CSGALNACT1: variants seen among roughly 807,000 people sequenced by gnomAD.
The protein encoded by CSGALNACT1 is chondroitin sulfate N-acetylgalactosaminyltransferase 1, also known as beta4GalNAcT-1.
A neutral mutation model predicts 51.0 loss-of-function variants in CSGALNACT1; 52 were observed. The ratio of observed to expected loss-of-function variants is 1.02; its 90% CI spans 0.82 to 1.29. The LOEUF is 1.29. Among genes scored for constraint, CSGALNACT1 ranks in the 50% most tolerant of loss-of-function variants. The pLI is 0.00. For missense variants in CSGALNACT1, 935 were observed against 679.2 expected (o/e 1.38, Z -4.19); for synonymous variants, 341 against 254.4 (o/e 1.34, Z -3.24).
chr8:19,616,006 A>G (rs2052950972), intron 1 of CSGALNACT1, among the ~76,000 whole-genome samples: 1 of 152,210 alleles, frequency 6.6e-6, no homozygotes, highest in Non-Finnish European at 1.5e-5. Context: ...TCTTAAGAAG[A>G]CAATAGGAAA....
At chr8:19,505,889 C>A in exon 4 of CSGALNACT1, 1 of 1,597,792 alleles carries the variant, frequency 6.3e-7, no homozygotes, top group South Asian at 1.1e-5. Context: ...CCGGGGCCCC[C>A]ACGGAAGGGC....
intron 1 of CSGALNACT1, among the ~76,000 whole-genome samples, chr8:19,711,480 G>T (rs1040325686): frequency 2.0e-5 from 3 of 152,286 alleles, no homozygotes; most frequent in African/African-American, 7.2e-5. Flanking sequence ...TTTCAACAGC[G>T]TGGCGTCTAT....
chr8:19,466,047 T>C (rs1397133450), intron 4 of CSGALNACT1, among the ~76,000 whole-genome samples: 3 of 152,156 alleles, frequency 2.0e-5, no homozygotes, highest in Admixed American at 6.5e-5. Flanking sequence ...AACCTTACCA[T>C]AGAATTTTGA....
chr8:19,550,650 T>C (rs1048780133), intron 3 of CSGALNACT1, among the ~76,000 whole-genome samples: 1 of 152,138 alleles, frequency 6.6e-6, no homozygotes, highest in Non-Finnish European at 1.5e-5. Flanking sequence ...TACCCTGAAA[T>C]CTAAAACTGT....
chr8:19,469,540 A>T (rs1036616165), intron 4 of CSGALNACT1, among the ~76,000 whole-genome samples: 2 of 152,218 alleles, frequency 1.3e-5, no homozygotes, highest in African/African-American at 4.8e-5. Context: ...AAGGGGCAGC[A>T]GTGAGTTGAG....
intron 3 of CSGALNACT1, among the ~76,000 whole-genome samples, chr8:19,555,501 C>G (rs1448724454): frequency 6.6e-6 from 1 of 152,144 alleles, no homozygotes; most frequent in Non-Finnish European, 1.5e-5. Context: ...ATAGTACTTT[C>G]TGACCTATTT....
At chr8:19,690,126 C>CT (rs943168886) in intron 1 of CSGALNACT1, among the ~76,000 whole-genome samples, 71 of 152,272 alleles carry the variant, frequency 4.7e-4, no homozygotes, top group African/African-American at 1.5e-3. Flanking sequence ...CTGGATAAAA[C>CT]TTTTTTGGAA....
exon 8 of CSGALNACT1, chr8:19,418,716 C>A: frequency 6.2e-7 from 1 of 1,613,588 alleles, no homozygotes; most frequent in African/African-American, 1.3e-5. Context: ...CAGGATTGTA[C>A]TGACTGAAAA....
At chr8:19,626,423 T>C (rs907299498) in intron 1 of CSGALNACT1, among the ~76,000 whole-genome samples, 5 of 152,222 alleles carry the variant, frequency 3.3e-5, no homozygotes, top group African/African-American at 1.2e-4. Flanking sequence ...ACCACACCTT[T>C]AACAAAAATT....
chr8:19,536,082 CA>C (rs2083668905), intron 3 of CSGALNACT1, among the ~76,000 whole-genome samples: 1 of 152,008 alleles, frequency 6.6e-6, no homozygotes, highest in African/African-American at 2.4e-5. Context: ...AAGTAATCTA[CA>C]AAAAACTCCT....
chr8:19,757,686 C>T lies in CSGALNACT1; in HGVS notation c.-297+164G>A, dbSNP rs1161343038. 6.6e-6 allele frequency among the ~76,000 whole-genome samples: 1 copy of T among 152,176 alleles called. No individual in the cohort carries two copies. The highest frequency in any genetic ancestry group is 1.5e-5 in the Non-Finnish European group (1 of 68,028). ...CTTACTCTTGCAGGACAGAGTTCCC[C>T]ATCCCCCTGCTCCACCCGCTCTGTT... On this transcript the variant is annotated intron_variant, in intron 1 of 1. Transcript: ENST00000517494. The surrounding 1 kb of genome is among the most constrained non-coding windows in gnomAD (Gnocchi z 4.0).
At chr8:19,428,886 G>T (rs1200508193) in intron 6 of CSGALNACT1, among the ~76,000 whole-genome samples, 1 of 148,802 alleles carries the variant, frequency 6.7e-6, no homozygotes, top group African/African-American at 2.5e-5. Context: ...TATGCATGCT[G>T]TGTATTTATA....
intron 1 of CSGALNACT1, among the ~76,000 whole-genome samples, chr8:19,698,052 C>T (rs990168420): frequency 2.1e-5 from 3 of 143,472 alleles, no homozygotes; most frequent in Non-Finnish European, 1.6e-5. Flanking sequence ...CAGTGTTATT[C>T]ATGGGAGCTC....
chr8:19,417,680 C>T (rs541007031), intron 8 of CSGALNACT1, among the ~76,000 whole-genome samples: 5 of 152,284 alleles, frequency 3.3e-5, no homozygotes, highest in Admixed American at 6.5e-5. Context: ...GCAGAGCTAC[C>T]CACAGCAAAG....
intron 3 of CSGALNACT1, among the ~76,000 whole-genome samples, chr8:19,533,549 T>TG (rs906589402): frequency 1.3e-5 from 2 of 152,246 alleles, no homozygotes; most frequent in African/African-American, 4.8e-5. Flanking sequence ...CCTTCTATCC[T>TG]GCTTGGTCTT....
rs773909749 is a variant in CSGALNACT1 at position 19,405,174 on chromosome 8, C to T, written c.*606G>A. The T allele has an allele frequency of 5.6e-5, 25 of 447,036 alleles. 2 individuals carry two copies. The highest frequency in any genetic ancestry group is 2.1e-4 in the East Asian group (3 of 14,360). 27.7% of individuals were successfully genotyped at this position (447,036 alleles called of 1,614,324 possible). A position where few individuals can be genotyped will look rare whatever the true frequency, so the allele number is the denominator to read the frequency against. ...TGCATTTTTAAATAAAAGAAAAAAA[C>T]GGAGACAGTTAAAAGGACAACCAAA... On this transcript the variant is annotated 3_prime_UTR_variant, in exon 10 of 10. Transcript: ENST00000454498.
At chr8:19,642,987 A>C (rs2056898621) in intron 1 of CSGALNACT1, among the ~76,000 whole-genome samples, 1 of 152,164 alleles carries the variant, frequency 6.6e-6, no homozygotes, top group African/African-American at 2.4e-5. Context: ...AGCTGGAAGA[A>C]AATACAGTTA....
chr8:19,625,086 G>T (rs1419438405), intron 1 of CSGALNACT1, among the ~76,000 whole-genome samples: 2 of 152,144 alleles, frequency 1.3e-5, no homozygotes, highest in Admixed American at 6.5e-5. Context: ...GCCAGGAAGG[G>T]ACACGAGTCA....
intron 5 of CSGALNACT1, among the ~76,000 whole-genome samples, chr8:19,448,200 T>C (rs901031979): frequency 2.6e-5 from 4 of 152,200 alleles, no homozygotes; most frequent in African/African-American, 9.6e-5. Context: ...ATTGTGTTTC[T>C]TGCAGTTAAG....
Sources: allele counts gnomAD v4.1 joint callset (sites outside exome capture counted in the v4.1 genomes callset), GRCh38; gene constraint gnomAD v4.1.1; non-coding constraint Gnocchi (gnomAD v3.1); transcripts MANE v1.5; gene names NCBI Gene and HGNC (gene_info 2026-07-23, HGNC 2026-07-21).